The following GALNT7 variants were observed in gnomAD, a reference collection of about 807,000 sequenced individuals.
The protein encoded by GALNT7 is polypeptide N-acetylgalactosaminyltransferase 7, also known as N-acetylgalactosaminyltransferase 7.
Under a neutral mutation model 82.1 loss-of-function variants are expected in GALNT7, and 60 were observed. The observed-to-expected ratio is 0.73, with a 90% CI of 0.59 to 0.91. The LOEUF (loss-of-function observed/expected upper bound fraction) is 0.91, where lower values mean the gene tolerates loss of function less well. Ranked by LOEUF, GALNT7 falls within the 40% of genes least tolerant of loss-of-function variation. GALNT7 has a pLI of 0.00. For missense variants in GALNT7, 660 were observed against 804.2 expected, an observed-to-expected ratio of 0.82 and a Z score of 2.17; for synonymous variants, 243 against 275.1, an observed-to-expected ratio of 0.88 and a Z score of 1.15.
At chr4:173,295,988 G>A in intron 5 of GALNT7, 145 bp downstream of exon 5, 1 of 644,304 alleles carries the variant, frequency 1.6e-6, no homozygotes, top group Non-Finnish European at 2.8e-6. Context: ...TGTTTCCTTG[G>A]GTGGAGCTAG....
At position 173,314,018 on chromosome 4, in the gene GALNT7, C is replaced by T. The variant is rs756772576; in HGVS notation, c.1450C>T (p.Arg484Cys). Residue 484 changes from arginine (R) to cysteine (C), a missense_variant, in exon 9 of 12, where the codon CGT becomes TGT. Physicochemically the swap from Arg to Cys is radical, Grantham distance 180 (BLOSUM62 -3). Transcript: ENST00000265000. ...ATATAAAGACTACTTCTATGCTAGT[C>T]GTCCTGAATCGCAGGCATTACCATA... The part of the protein sequence containing the change: ...DEYKDYFYAS[R>C]PESQALPYGD... 5 of 1,609,810 alleles carry T rather than the reference C, an allele frequency of 3.1e-6. No homozygotes were observed. Among genetic ancestry groups the T allele is most frequent in the Non-Finnish European group, 3.4e-6 (4 of 1,176,446 alleles).
chr4:173,187,296 T>C (rs1732491332), intron 1 of GALNT7, among the ~76,000 whole-genome samples: 2 of 152,114 alleles, frequency 1.3e-5, no homozygotes, highest in African/African-American at 4.8e-5. Context: ...AATATTTTAA[T>C]TGTTGTTAGG....
chr4:173,229,462 C>T (rs1008556971), intron 1 of GALNT7, among the ~76,000 whole-genome samples: 9 of 151,952 alleles, frequency 5.9e-5, no homozygotes, highest in Non-Finnish European at 1.2e-4. Context: ...CTAGAAGTTC[C>T]CTAGAAATTC....
chr4:173,224,267 G>A (rs183719954), intron 1 of GALNT7, among the ~76,000 whole-genome samples: 4 of 152,150 alleles, frequency 2.6e-5, no homozygotes, highest in South Asian at 2.1e-4. Flanking sequence ...ACCACGTTTC[G>A]AGTAGATCTC....
At chr4:173,214,693 G>A (rs1644455780) in intron 1 of GALNT7, among the ~76,000 whole-genome samples, 1 of 152,132 alleles carries the variant, frequency 6.6e-6, no homozygotes, top group Non-Finnish European at 1.5e-5. Flanking sequence ...AAGCCTGGTA[G>A]AGTCAAATTT....
At chr4:173,249,539 A>G (rs1050020705) in intron 2 of GALNT7, among the ~76,000 whole-genome samples, 2 of 152,208 alleles carry the variant, frequency 1.3e-5, no homozygotes, top group African/African-American at 4.8e-5. Context: ...CAGTCAGAGC[A>G]TCTCCCAGGG....
chr4:173,288,522 A>G (rs187507965), intron 2 of GALNT7, among the ~76,000 whole-genome samples: 1 of 152,162 alleles, frequency 6.6e-6, no homozygotes, highest in East Asian at 2.0e-4. Flanking sequence ...GATGTTAGGT[A>G]AAAACTCTGA....
At position 173,298,187 on chromosome 4, in the gene GALNT7, T is replaced by G. The variant is rs1200751299; in HGVS notation, c.1038T>G (p.Gly346=). ...NTYEIIPQGG[G]DEDGYARGAW... ...ATGAAATTATACCCCAAGGGGGTGG[T>G]GATGAAGATGGGTATGCCCGAGGAG... The change falls in exon 6 of 12, where the codon GGT becomes GGG. Residue 346 remains glycine (G), a synonymous_variant. Coordinates refer to ENST00000265000, the MANE Select transcript of GALNT7 (RefSeq NM_017423.3). 1 of 1,613,058 alleles carries G rather than the reference T, an allele frequency of 6.2e-7. No individual in the cohort carries two copies. The highest frequency in any genetic ancestry group is 1.7e-5 in the Admixed American group (1 of 60,002).
chr4:173,242,376 A>G (rs1734466946), intron 1 of GALNT7, among the ~76,000 whole-genome samples: 1 of 152,156 alleles, frequency 6.6e-6, no homozygotes. Flanking sequence ...GTTCTGCCCT[A>G]GTTGCTAACA....
At position 173,302,993 on chromosome 4, in the gene GALNT7, G is replaced by A. The variant is rs1737003544; in HGVS notation, c.1266+829G>A. 6.6e-6 allele frequency among the ~76,000 whole-genome samples: 1 copy of A among 152,158 alleles called. No individual in the cohort carries two copies. Among genetic ancestry groups the A allele is most frequent in the Non-Finnish European group, 1.5e-5 (1 of 68,028 alleles). ...GGGCGGATCATGAGGTCAAGAGATCGAGACCATCCTAGCCAACATGGTGAA... is the reference window on the plus strand; with the variant it reads ...GGGCGGATCATGAGGTCAAGAGATCAAGACCATCCTAGCCAACATGGTGAA... On this transcript the variant is annotated intron_variant, in intron 7 of 11. Transcript: ENST00000265000. The surrounding 1 kb of genome is among the most constrained non-coding windows in gnomAD (Gnocchi z 4.2).
chr4:173,204,260 T>A (rs1165668827), intron 1 of GALNT7, among the ~76,000 whole-genome samples: 1 of 152,252 alleles, frequency 6.6e-6, no homozygotes, highest in Non-Finnish European at 1.5e-5. Context: ...TTCATGATCC[T>A]CTTTTTGTCT....
At chr4:173,284,664 T>A (rs1294909659) in intron 2 of GALNT7, among the ~76,000 whole-genome samples, 1 of 151,682 alleles carries the variant, frequency 6.6e-6, no homozygotes, top group African/African-American at 2.4e-5. Context: ...CTGGATATTA[T>A]GAAATAAAAT....
intron 1 of GALNT7, among the ~76,000 whole-genome samples, chr4:173,171,086 G>A (rs1465313704): frequency 1.3e-5 from 2 of 152,186 alleles, no homozygotes; most frequent in African/African-American, 4.8e-5. Flanking sequence ...GAATGCTTAG[G>A]TATCAGAAGA....
chr4:173,318,531 A>G lies in GALNT7; in HGVS notation c.1808A>G (p.Asn603Ser). 1.3e-6 allele frequency: 2 copies of G among 1,574,702 alleles called. No individual in the cohort carries two copies. Among genetic ancestry groups the G allele is most frequent in the Non-Finnish European group, 1.7e-6 (2 of 1,145,796 alleles). Residue 603 changes from asparagine to serine, a missense_variant, in exon 11 of 12, where the codon AAT becomes AGT. Physicochemically the swap from Asn to Ser is conservative, Grantham distance 46. This residue lies in a region of GALNT7 where 527 missense variants were observed against 683.5 expected (regional missense o/e 0.77). Coordinates refer to ENST00000265000, the MANE Select transcript of GALNT7 (RefSeq NM_017423.3). ...SKVMITHCNL[N>S]EFKEWQYFKN... is the part of the protein sequence containing the mutation. ...GTTATGATTACACACTGTAATCTAA[A>G]TGAATTTAAGGAATGGCAGTACTTC...
intron 2 of GALNT7, among the ~76,000 whole-genome samples, chr4:173,272,576 AT>A (rs1278390364): frequency 1.3e-5 from 2 of 152,190 alleles, no homozygotes; most frequent in African/African-American, 2.4e-5. Flanking sequence ...GAAAGATTTG[AT>A]TTTCTGGAAA....
intron 1 of GALNT7, among the ~76,000 whole-genome samples, chr4:173,196,251 A>G (rs1732772574): frequency 6.6e-6 from 1 of 151,924 alleles, no homozygotes; most frequent in African/African-American, 2.4e-5. Flanking sequence ...CAGCCTCCCA[A>G]GTAGCTGGGA....
chr4:173,276,179 C>T (rs999966456), intron 2 of GALNT7, among the ~76,000 whole-genome samples: 3 of 152,170 alleles, frequency 2.0e-5, no homozygotes, highest in Middle Eastern at 3.4e-3. Context: ...ATATAGTACT[C>T]GTGTGACAAA....
In GALNT7 at chr4:173,313,975, G is replaced by A; in HGVS notation, c.1407G>A (p.Val469=). Residue 469 remains valine, a synonymous_variant, in exon 9 of 12, where the codon GTG becomes GTA. Coordinates refer to ENST00000265000, the MANE Select transcript of GALNT7 (RefSeq NM_017423.3). ...TTTTACAGAATTATGTTAGAGTTGT[G>A]GAGGTTTGGTGGGATGAATATAAAG... is the stretch of plus-strand genomic sequence containing the variant. ...SPTLKNYVRV[V]EVWWDEYKDY... The A allele has an allele frequency of 6.5e-7, 1 of 1,549,396 alleles. No homozygotes were observed. The highest frequency in any genetic ancestry group is 8.9e-7 in the Non-Finnish European group (1 of 1,122,600).
At chr4:173,260,660 T>C (rs1735226027) in intron 2 of GALNT7, among the ~76,000 whole-genome samples, 1 of 152,334 alleles carries the variant, frequency 6.6e-6, no homozygotes, top group African/African-American at 2.4e-5. Context: ...TGTGAAATTA[T>C]GTTGGCAAGT....
Sources: allele counts gnomAD v4.1 joint callset (sites outside exome capture counted in the v4.1 genomes callset), GRCh38; gene constraint gnomAD v4.1.1; regional missense constraint gnomAD v4.1.1; non-coding constraint Gnocchi (gnomAD v3.1); transcripts MANE v1.5; gene names NCBI Gene and HGNC (gene_info 2026-07-23, HGNC 2026-07-21).